The following PALMD variants were observed in gnomAD, a reference collection of about 807,000 sequenced individuals.
PALMD encodes the protein palmdelphin.
In PALMD, 42 loss-of-function variants were observed where a neutral mutation model predicts 56.2. That is an observed-to-expected ratio of 0.75 (90% CI 0.58 to 0.97). The LOEUF is 0.97. PALMD is among the 50% of genes least tolerant of loss of function. PALMD has a pLI of 0.00. For missense variants in PALMD, 660 were observed against 643.8 expected (o/e 1.03, Z -0.27); for synonymous variants, 242 against 222.9 (o/e 1.09, Z -0.76).
At chr1:99,685,346 A>G (rs777181458) in intron 3 of PALMD, 6 of 152,152 alleles carry the variant, frequency 3.9e-5, no homozygotes, top group Non-Finnish European at 5.9e-5. Flanking sequence ...TTGGACCAAC[A>G]TATATCCCCA....
At chr1:99,658,303 CAAAAAAA>C (rs144642179) in intron 1 of PALMD, among the ~76,000 whole-genome samples, 3 of 105,238 alleles carry the variant, frequency 2.9e-5, no homozygotes, top group Non-Finnish European at 4.3e-5. Context: ...GACTCTGTCT[CAAAAAAA>C]AAAAAAAAGA....
At chr1:99,671,829 A>T (rs550283406) in intron 3 of PALMD, among the ~76,000 whole-genome samples, 10 of 152,308 alleles carry the variant, frequency 6.6e-5, no homozygotes, top group African/African-American at 2.4e-4. Context: ...CAGATGAGAA[A>T]AATTGACACT....
At chr1:99,657,187 T>C (rs901383648) in intron 1 of PALMD, among the ~76,000 whole-genome samples, 1 of 152,162 alleles carries the variant, frequency 6.6e-6, no homozygotes, top group Non-Finnish European at 1.5e-5. Context: ...TAGCTCTGAT[T>C]CTTCATCTCT....
intron 1 of PALMD, among the ~76,000 whole-genome samples, chr1:99,648,157 T>C (rs746210778): frequency 2.0e-5 from 3 of 152,184 alleles, no homozygotes; most frequent in Non-Finnish European, 2.9e-5. Flanking sequence ...AAAGTAATTC[T>C]AGCTTGGAAG....
Position 99,689,395 on chromosome 1 carries a change from T to C in PALMD, c.1135T>C (p.Ser379Pro), listed in dbSNP as rs755599336. The change falls in exon 7 of 8, where the codon TCT becomes CCT. Residue 379 changes from serine (S) to proline (P), a missense_variant. Ser to Pro is a moderately conservative substitution (Grantham distance 74). Transcript: ENST00000263174. Reference protein sequence around the residue: ...LSPRETIFGKSEHQNSSPTCQ... With the variant: ...LSPRETIFGKPEHQNSSPTCQ... ...CCCCAGAGAGACAATATTTGGGAAA[T>C]CTGAACACCAGAATTCTTCACCCAC... The C allele has an allele frequency of 3.7e-6, 6 of 1,613,724 alleles. No individual in the cohort carries two copies. Among genetic ancestry groups the C allele is most frequent in the East Asian group, 4.5e-5 (2 of 44,848 alleles).
At position 99,688,916 on chromosome 1, in the gene PALMD, C is replaced by A; in HGVS notation, c.656C>A (p.Ala219Glu). Residue 219 changes from alanine (A) to glutamate (E), a missense_variant, in exon 7 of 8, where the codon GCA becomes GAA. Transcript: ENST00000263174. ...GATGATGGGCAAAAGTCAGTGTATGCAGTAAGTTCTAATCACAGTGCAGCA... is the reference window on the plus strand; with the variant it reads ...GATGATGGGCAAAAGTCAGTGTATGAAGTAAGTTCTAATCACAGTGCAGCA... ...VYDDGQKSVY[A>E]VSSNHSAAYN... 1 of 1,613,678 alleles carries A rather than the reference C, an allele frequency of 6.2e-7. No individual in the cohort carries two copies. Among genetic ancestry groups the A allele is most frequent in the Non-Finnish European group, 8.5e-7 (1 of 1,179,686 alleles).
intron 6 of PALMD, among the ~76,000 whole-genome samples, 188 bp downstream of exon 6, chr1:99,687,377 T>C (rs997254490): frequency 6.6e-6 from 1 of 152,166 alleles, no homozygotes; most frequent in Non-Finnish European, 1.5e-5. Flanking sequence ...ATTTATTCCA[T>C]GCATTTTATT....
At chr1:99,669,981 G>T (rs1185248188) in intron 3 of PALMD, among the ~76,000 whole-genome samples, 1 of 152,214 alleles carries the variant, frequency 6.6e-6, no homozygotes, top group Non-Finnish European at 1.5e-5. Context: ...CAACTAGGAA[G>T]TGGGAGGTCA....
intron 2 of PALMD, among the ~76,000 whole-genome samples, chr1:99,663,307 G>A (rs1395382691): frequency 6.6e-6 from 1 of 152,044 alleles, no homozygotes; most frequent in Non-Finnish European, 1.5e-5. Flanking sequence ...TGACATTTCC[G>A]ATGTTTGATG....
At chr1:99,672,292 G>T (rs1162209463) in intron 3 of PALMD, among the ~76,000 whole-genome samples, 1 of 152,102 alleles carries the variant, frequency 6.6e-6, no homozygotes, top group Non-Finnish European at 1.5e-5. Flanking sequence ...AGGAGGAAAT[G>T]TTCCCAGGGG....
rs143434586 is a variant in PALMD at position 99,678,597 on chromosome 1, T to C, written c.252-8079T>C. ...AGCTTTGAGATGGGTTCATTTTCTG[T>C]TTCCATGGGTAGAGCTGTAAAAAGT... On this transcript the variant is annotated intron_variant, in intron 3 of 7. Coordinates refer to ENST00000263174, the MANE Select transcript of PALMD (RefSeq NM_017734.5). 2.6e-3 allele frequency among the ~76,000 whole-genome samples: 392 copies of C among 152,298 alleles called. 1 individual carries two copies. The highest frequency in any genetic ancestry group is 9.1e-3 in the African/African-American group (380 of 41,562).
intron 1 of PALMD, among the ~76,000 whole-genome samples, chr1:99,650,066 T>C (rs1652530627): frequency 6.6e-6 from 1 of 152,006 alleles, no homozygotes; most frequent in Admixed American, 6.6e-5. Flanking sequence ...GAGTGCATTG[T>C]AAGTTAAAAT....
chr1:99,651,978 C>T (rs887471589), intron 1 of PALMD, among the ~76,000 whole-genome samples: 5 of 152,194 alleles, frequency 3.3e-5, no homozygotes, highest in African/African-American at 1.2e-4. Flanking sequence ...ACGCTAACAA[C>T]TCTGGAATAA....
At chr1:99,649,418 A>G (rs1420574557) in intron 1 of PALMD, among the ~76,000 whole-genome samples, 1 of 152,172 alleles carries the variant, frequency 6.6e-6, no homozygotes, top group African/African-American at 2.4e-5. Flanking sequence ...GTAATTTGAA[A>G]TTCACCTTTA....
chr1:99,671,684 C>T lies in PALMD; in HGVS notation c.251+3918C>T, dbSNP rs545401857. On this transcript the variant is annotated intron_variant, in intron 3 of 7. Transcript: ENST00000263174. ...AAATAATCTATGATTTTTTTTATGG[C>T]TTAAAGTCTAGAATGCTACCATAGA... 5.3e-5 allele frequency among the ~76,000 whole-genome samples: 8 copies of T among 152,068 alleles called. No homozygotes were observed. The East Asian group carries it at 1.4e-3, about 26-fold the overall frequency.
intron 2 of PALMD, 119 bp downstream of exon 2, chr1:99,662,518 C>T (rs1571063265): frequency 1.5e-6 from 1 of 679,226 alleles, no homozygotes; most frequent in Non-Finnish European, 2.6e-6. Flanking sequence ...GTTTGACTAA[C>T]ATTGTAATAA....
intron 1 of PALMD, among the ~76,000 whole-genome samples, chr1:99,659,831 A>C (rs987451893): frequency 2.0e-5 from 3 of 152,178 alleles, no homozygotes; most frequent in Non-Finnish European, 2.9e-5. Flanking sequence ...ACCTACCTAG[A>C]CTGATATAAG....
chr1:99,663,119 C>T (rs577620241), intron 2 of PALMD, among the ~76,000 whole-genome samples: 1 of 152,244 alleles, frequency 6.6e-6, no homozygotes, highest in East Asian at 1.9e-4. Context: ...TAATGAATCC[C>T]CTTAATGATA....
intron 2 of PALMD, 73 bp from the exon 3 acceptor site, chr1:99,667,569 A>T (rs577328768): frequency 1.6e-6 from 2 of 1,245,964 alleles, no homozygotes; most frequent in East Asian, 4.7e-5. Context: ...AATTCATAAG[A>T]TTTGAAAGCA....
Sources: gnomAD v4.1 joint callset for allele counts (sites outside exome capture counted in the v4.1 genomes callset) on GRCh38, gnomAD v4.1.1 for gene constraint, MANE v1.5 for transcripts, NCBI Gene and HGNC (gene_info 2026-07-23, HGNC 2026-07-21) for gene names.